Variants in ZKSCAN5 observed in about 807,000 individuals in gnomAD.
ZKSCAN5 encodes the protein zinc finger with KRAB and SCAN domains 5.
In ZKSCAN5, 28 loss-of-function variants were observed where a neutral mutation model predicts 60.0. The observed-to-expected ratio is 0.47, with a 90% CI of 0.35 to 0.64. ZKSCAN5 has a LOEUF of 0.64. ZKSCAN5 is among the 30% of genes least tolerant of loss of function. The probability of loss-of-function intolerance (pLI) is 0.01; values close to 1 mark genes in which losing one functional copy is unlikely to be tolerated. For synonymous variants in ZKSCAN5, 361 were observed against 371.2 expected (o/e 0.97, Z 0.31); for missense variants, 881 against 1,034.6 (o/e 0.85, Z 2.04).
chr7:99,531,601 G>A lies in ZKSCAN5; in HGVS notation c.1872G>A (p.Gln624=). 1 of 1,614,202 alleles carries A rather than the reference G, an allele frequency of 6.2e-7. No individual in the cohort carries two copies. The highest frequency in any genetic ancestry group is 1.1e-5 in the South Asian group (1 of 91,078). Residue 624 remains glutamine (Q), a synonymous_variant, in exon 7 of 7, where the codon CAG becomes CAA. Transcript: ENST00000326775. The part of the protein sequence containing the change: ...FRVRSHLVQH[Q]SVHSGERPFK... The stretch of plus-strand genomic sequence containing the variant: ...TGAGGTCCCACCTTGTTCAGCATCA[G>A]AGCGTGCACAGTGGGGAGAGACCCT...
intron 2 of ZKSCAN5, among the ~76,000 whole-genome samples, chr7:99,511,434 G>C (rs1273282638): frequency 6.6e-6 from 1 of 151,878 alleles, no homozygotes; most frequent in East Asian, 1.9e-4. Flanking sequence ...TGAGAATTTT[G>C]TTTTCTTTCT....
chr7:99,506,983 A>C (rs1049052647), intron 2 of ZKSCAN5, among the ~76,000 whole-genome samples: 1 of 151,648 alleles, frequency 6.6e-6, no homozygotes, highest in Admixed American at 6.6e-5. Context: ...GGCGTGAGCC[A>C]CCATGCCCGG....
At chr7:99,505,811 T>G in intron 1 of ZKSCAN5, 194 bp from the exon 2 acceptor site, 1 of 432,832 alleles carries the variant, frequency 2.3e-6, no homozygotes, top group Non-Finnish European at 4.2e-6. Flanking sequence ...TTATTATCAT[T>G]TTGTGGGTGA....
intron 2 of ZKSCAN5, 70 bp downstream of exon 2, chr7:99,506,528 T>G: frequency 6.7e-7 from 1 of 1,494,452 alleles, no homozygotes. Context: ...GGGGTGAGAT[T>G]CTTAGTCCTC....
At position 99,505,818 on chromosome 7, in the gene ZKSCAN5, G is replaced by A. The variant is rs542952805; in HGVS notation, c.-40-187G>A. 2.4e-4 allele frequency: 105 copies of A among 445,910 alleles called. No individual in the cohort carries two copies. In the Middle Eastern group the frequency reaches 5.7e-3, roughly 24 times the overall value. 27.6% of individuals were successfully genotyped at this position (445,910 alleles called of 1,614,324 possible). A position where few individuals can be genotyped will look rare whatever the true frequency, so the allele number is the denominator to read the frequency against. On this transcript the variant is annotated intron_variant, in intron 1 of 6. Coordinates refer to ENST00000326775, the MANE Select transcript of ZKSCAN5 (RefSeq NM_145102.4). ...GTTATTCCTTATTATCATTTTGTGG[G>A]TGAAGTGATGGCTACCTTGTAGTAC...
intron 4 of ZKSCAN5, 79 bp downstream of exon 4, chr7:99,519,988 T>G (rs1801452721): frequency 6.4e-7 from 1 of 1,555,122 alleles, no homozygotes; most frequent in South Asian, 1.1e-5. Context: ...AGCCAGTGAC[T>G]AGGCCCATCT....
intron 6 of ZKSCAN5, 87 bp from the exon 7 acceptor site, chr7:99,531,021 C>G: frequency 2.5e-6 from 3 of 1,221,042 alleles, no homozygotes. Flanking sequence ...CGCATCATTG[C>G]ACTCTAGCCT....
chr7:99,514,664 T>A (rs755393577), intron 3 of ZKSCAN5, among the ~76,000 whole-genome samples: 5 of 152,146 alleles, frequency 3.3e-5, no homozygotes, highest in Non-Finnish European at 7.4e-5. Flanking sequence ...CCCAGCACTT[T>A]GGGAGGCCAA....
chr7:99,521,164 G>C (rs907159297), intron 5 of ZKSCAN5, among the ~76,000 whole-genome samples: 1 of 152,066 alleles, frequency 6.6e-6, no homozygotes, highest in African/African-American at 2.4e-5. Flanking sequence ...GAAGACTTCA[G>C]ATGCAAACAT....
At chr7:99,531,048 C>T (rs1802016718) in intron 6 of ZKSCAN5, 60 bp from the exon 7 acceptor site, 5 of 1,442,638 alleles carry the variant, frequency 3.5e-6, no homozygotes, top group Non-Finnish European at 4.7e-6. Flanking sequence ...CAGAGCAAGA[C>T]CCCATCTCAA....
At chr7:99,529,995 A>G (rs1317728061) in intron 6 of ZKSCAN5, among the ~76,000 whole-genome samples, 3 of 142,868 alleles carry the variant, frequency 2.1e-5, no homozygotes, top group Admixed American at 1.4e-4. Context: ...CGGCTTCCCA[A>G]AGTTCTGGGA....
In ZKSCAN5 at chr7:99,531,204, G is replaced by T. The variant is rs116466745; in HGVS notation, c.1475G>T (p.Arg492Ile). Residue 492 changes from arginine (R) to isoleucine (I), a missense_variant, in exon 7 of 7, where the codon AGA (arginine) becomes ATA (isoleucine). By Grantham distance (97) the Arg-to-Ile change is moderately conservative. This residue lies in a region of ZKSCAN5 where 490 missense variants were observed against 554.5 expected (regional missense o/e 0.88). Transcript: ENST00000326775. The part of the protein sequence containing the change: ...ADMELSGKTQ[R>I]NVSQVQDFGE... ...ATGGAACTATCTGGAAAAACCCAAA[G>T]AAATGTTTCTCAAGTTCAAGATTTT... The T allele has an allele frequency of 2.6e-5, 42 of 1,614,100 alleles. No individual in the cohort carries two copies. In the African/African-American group the frequency reaches 5.1e-4, roughly 19 times the overall value.
chr7:99,509,656 C>T (rs1287957587), intron 2 of ZKSCAN5, among the ~76,000 whole-genome samples: 2 of 151,482 alleles, frequency 1.3e-5, no homozygotes, highest in Non-Finnish European at 2.9e-5. Flanking sequence ...CTAGTAGAGT[C>T]GGGGTTTCAC....
intron 4 of ZKSCAN5, 33 bp downstream of exon 4, chr7:99,519,942 C>A (rs2151107018): frequency 1.2e-6 from 2 of 1,607,646 alleles, no homozygotes; most frequent in South Asian, 2.2e-5. Flanking sequence ...TCAGAGAGGA[C>A]CCATCCTGAA....
chr7:99,508,284 C>T (rs552923208), intron 2 of ZKSCAN5, among the ~76,000 whole-genome samples: 7 of 149,858 alleles, frequency 4.7e-5, no homozygotes, highest in Admixed American at 3.3e-4. Context: ...GGCAACAGAG[C>T]GAGACTCCAT....
At chr7:99,528,797 T>C (rs570199501) in intron 6 of ZKSCAN5, among the ~76,000 whole-genome samples, 1 of 152,300 alleles carries the variant, frequency 6.6e-6, no homozygotes, top group African/African-American at 2.4e-5. Flanking sequence ...TGAGAGTCTG[T>C]GTTGCTAGTT....
At chr7:99,517,683 AAAAAC>A (rs926321939) in intron 3 of ZKSCAN5, among the ~76,000 whole-genome samples, 3 of 151,730 alleles carry the variant, frequency 2.0e-5, no homozygotes, top group Non-Finnish European at 4.4e-5. Flanking sequence ...TCCATCTCAA[AAAAAC>A]AAAACAAAAT....
Position 99,532,349 on chromosome 7 carries a change from C to A in ZKSCAN5, c.*100C>A. 1 of 1,179,988 alleles carries A rather than the reference C, an allele frequency of 8.5e-7. No homozygotes were observed. The allele number at this position is 1,179,988 out of a possible 1,614,324, so 73.1% of individuals were successfully genotyped here. On this transcript the variant is annotated 3_prime_UTR_variant, in exon 7 of 7. Coordinates refer to ENST00000326775, the MANE Select transcript of ZKSCAN5 (RefSeq NM_145102.4). ...GCATTTTTCCAGCGTTACCATCAAA[C>A]TCACAAATAGGTTGAAATCCTTTAG...
chr7:99,524,908 T>G (rs1212654437), intron 5 of ZKSCAN5, among the ~76,000 whole-genome samples: 1 of 151,898 alleles, frequency 6.6e-6, no homozygotes, highest in Non-Finnish European at 1.5e-5. Flanking sequence ...GTGGCTCATG[T>G]CTGTAATCCC....
Sources: gnomAD v4.1 joint callset for allele counts (sites outside exome capture counted in the v4.1 genomes callset) on GRCh38, gnomAD v4.1.1 for gene constraint, gnomAD v4.1.1 regional missense constraint, MANE v1.5 for transcripts, NCBI Gene and HGNC (gene_info 2026-07-23, HGNC 2026-07-21) for gene names.